The following GRM5 variants were observed in gnomAD, a reference collection of about 807,000 sequenced individuals.
GRM5 encodes glutamate metabotropic receptor 5.
Under a neutral mutation model 83.1 loss-of-function variants are expected in GRM5, and 19 were observed. The observed-to-expected ratio is 0.23, with a 90% CI of 0.16 to 0.34. The LOEUF is 0.34. Ranked by LOEUF, GRM5 falls within the 10% of genes least tolerant of loss-of-function variation. The pLI is 1.00. For missense variants in GRM5, 1,160 were observed against 1,588.3 expected (o/e 0.73, Z 4.58); for synonymous variants, 675 against 633.6 (o/e 1.07, Z -0.98).
intron 3 of GRM5, among the ~76,000 whole-genome samples, chr11:88,732,987 A>T (rs1353780787): frequency 6.6e-6 from 1 of 152,084 alleles, no homozygotes. Context: ...GAATTTCCTT[A>T]GTACTTTTAT....
Position 88,525,330 on chromosome 11 carries a change from C to G in GRM5, c.2705G>C (p.Gly902Ala). 1 of 1,608,168 alleles carries G rather than the reference C, an allele frequency of 6.2e-7. No individual in the cohort carries two copies. Residue 902 changes from glycine to alanine, a missense_variant, in exon 9 of 10, where the codon GGT becomes GCT. Gly to Ala is a moderately conservative substitution (Grantham distance 60). This residue lies in a region of GRM5 where 562 missense variants were observed against 532.4 expected (regional missense o/e 1.06). Transcript: ENST00000305447. ...CFTPKGSMGN[G>A]GRATMSSSNG... Reference sequence around the variant, plus strand: ...TTACCTGCTCATTGTTGCTCTCCCACCATTCCCCATACTCCCTTTGGGGGT... The same window carrying G: ...TTACCTGCTCATTGTTGCTCTCCCAGCATTCCCCATACTCCCTTTGGGGGT...
chr11:88,781,669 T>G (rs1021936320), intron 3 of GRM5, among the ~76,000 whole-genome samples: 6 of 152,188 alleles, frequency 3.9e-5, no homozygotes, highest in Admixed American at 1.3e-4. Flanking sequence ...TGCTGCTCTG[T>G]GACTTTTTGA....
chr11:88,645,206 C>G (rs1014814155), intron 4 of GRM5, among the ~76,000 whole-genome samples: 3 of 152,000 alleles, frequency 2.0e-5, no homozygotes, highest in Non-Finnish European at 4.4e-5. Flanking sequence ...TGAGTAGTTC[C>G]TTGGGGGAAC....
chr11:88,798,818 A>AC (rs1192692845), intron 3 of GRM5, among the ~76,000 whole-genome samples: 3 of 143,666 alleles, frequency 2.1e-5, no homozygotes, highest in East Asian at 4.2e-4. Context: ...AAAAAAAAAA[A>AC]AAAAAAAAAC....
At chr11:88,664,412 G>T (rs2135322127) in intron 3 of GRM5, among the ~76,000 whole-genome samples, 1 of 151,948 alleles carries the variant, frequency 6.6e-6, no homozygotes, top group East Asian at 1.9e-4. Context: ...AAACAATAGA[G>T]TATGGCAACT....
chr11:88,860,891 T>G (rs2135550783), intron 2 of GRM5, among the ~76,000 whole-genome samples: 1 of 152,304 alleles, frequency 6.6e-6, no homozygotes, highest in South Asian at 2.1e-4. Flanking sequence ...TAATTTAGAC[T>G]TGTGCTGTCC....
At chr11:88,885,964 C>T (rs892078582) in intron 2 of GRM5, among the ~76,000 whole-genome samples, 1 of 152,064 alleles carries the variant, frequency 6.6e-6, no homozygotes, top group Non-Finnish European at 1.5e-5. Flanking sequence ...GAGATGGTGC[C>T]GATCAACTGG....
intron 3 of GRM5, among the ~76,000 whole-genome samples, chr11:88,842,162 T>C (rs1287387043): frequency 6.6e-6 from 1 of 152,216 alleles, no homozygotes; most frequent in Non-Finnish European, 1.5e-5. Flanking sequence ...TAAAATAGTA[T>C]ATGTAAATAT....
chr11:88,945,931 T>A (rs142049578), intron 2 of GRM5, among the ~76,000 whole-genome samples: 2,332 of 151,874 alleles, frequency 0.015, 59 homozygotes, highest in African/African-American at 0.052. Flanking sequence ...AAAGAAATGA[T>A]CAACCAAGTA....
At chr11:88,965,759 G>C (rs1297367619) in intron 2 of GRM5, among the ~76,000 whole-genome samples, 1 of 152,122 alleles carries the variant, frequency 6.6e-6, no homozygotes, top group Non-Finnish European at 1.5e-5. Context: ...CATAAAATCT[G>C]TTGGTACATA....
intron 7 of GRM5, among the ~76,000 whole-genome samples, chr11:88,578,468 A>G (rs1273818105): frequency 1.3e-5 from 2 of 152,170 alleles, no homozygotes; most frequent in Non-Finnish European, 2.9e-5. Context: ...TTTTGACCAC[A>G]ATGCCATTGT....
At chr11:89,016,798 G>C (rs895025592) in intron 2 of GRM5, among the ~76,000 whole-genome samples, 1 of 152,132 alleles carries the variant, frequency 6.6e-6, no homozygotes, top group African/African-American at 2.4e-5. Context: ...TCTACCTCTA[G>C]TGGGATAGGA....
intron 4 of GRM5, among the ~76,000 whole-genome samples, chr11:88,640,523 A>G (rs1191948665): frequency 6.6e-6 from 1 of 152,140 alleles, no homozygotes; most frequent in Non-Finnish European, 1.5e-5. Context: ...AAATTCTGAT[A>G]CTATCTACTT....
chr11:88,958,921 T>C (rs570746519), intron 2 of GRM5, among the ~76,000 whole-genome samples: 1 of 152,276 alleles, frequency 6.6e-6, no homozygotes, highest in East Asian at 1.9e-4. Flanking sequence ...GTGGCATTTT[T>C]TCTTACTTTA....
At chr11:88,814,676 T>C (rs1487113291) in intron 3 of GRM5, among the ~76,000 whole-genome samples, 1 of 151,688 alleles carries the variant, frequency 6.6e-6, no homozygotes, top group Non-Finnish European at 1.5e-5. Flanking sequence ...CAGAACAAAA[T>C]TGAAGAGATT....
chr11:88,955,825 C>T (rs1938593544), intron 2 of GRM5, among the ~76,000 whole-genome samples: 1 of 152,156 alleles, frequency 6.6e-6, no homozygotes, highest in African/African-American at 2.4e-5. Context: ...TCAGTATTTT[C>T]TTAGCAATTC....
chr11:88,805,747 G>C (rs1404907977), intron 3 of GRM5, among the ~76,000 whole-genome samples: 1 of 152,006 alleles, frequency 6.6e-6, no homozygotes, highest in Non-Finnish European at 1.5e-5. Context: ...TCAGTGATTA[G>C]CACATAATAT....
chr11:88,636,807 G>A (rs1456413910), intron 4 of GRM5, among the ~76,000 whole-genome samples: 1 of 152,032 alleles, frequency 6.6e-6, no homozygotes, highest in Non-Finnish European at 1.5e-5. Flanking sequence ...ATTAAATAGG[G>A]AATCCTTTCC....
At chr11:88,868,811 C>A (rs1944714026) in intron 2 of GRM5, among the ~76,000 whole-genome samples, 1 of 151,856 alleles carries the variant, frequency 6.6e-6, no homozygotes, top group South Asian at 2.1e-4. Context: ...GGGCACCTCA[C>A]AAAGCAAATT....
Sources: gnomAD v4.1 joint callset for allele counts (sites outside exome capture counted in the v4.1 genomes callset) on GRCh38, gnomAD v4.1.1 for gene constraint, gnomAD v4.1.1 regional missense constraint, MANE v1.5 for transcripts, NCBI Gene and HGNC (gene_info 2026-07-23, HGNC 2026-07-21) for gene names.